ASIC2: variants seen among roughly 807,000 people sequenced by gnomAD.
The protein encoded by ASIC2 is acid-sensing ion channel 2.
In ASIC2, 25 loss-of-function variants were observed where a neutral mutation model predicts 57.3. That is an observed-to-expected ratio of 0.44 (90% CI 0.32 to 0.61). The LOEUF is 0.61. ASIC2 is among the 20% of genes least tolerant of loss of function. The pLI is 0.06. For missense variants in ASIC2, 641 were observed against 738.1 expected (o/e 0.87, Z 1.52); for synonymous variants, 319 against 307.5 (o/e 1.04, Z -0.39).
intron 1 of ASIC2, among the ~76,000 whole-genome samples, chr17:33,969,131 G>A (rs1376003427): frequency 1.3e-5 from 2 of 152,174 alleles, no homozygotes; most frequent in African/African-American, 4.8e-5. Context: ...TACAAGCATG[G>A]CCCGTTGAGA....
intron 3 of ASIC2, among the ~76,000 whole-genome samples, chr17:33,051,722 A>G (rs2091977351): frequency 1.3e-5 from 2 of 152,330 alleles, no homozygotes; most frequent in South Asian, 2.1e-4. Context: ...TTTATGAGAT[A>G]TAAGAACAGA....
In ASIC2 at chr17:33,155,421, A is replaced by G. The variant is rs1015869930; in HGVS notation, c.709-43354T>C. ...TCTTCTAACTTCTGAATAGCTTTAG[A>G]TACTTCTGACTTCTGAACCCCTTTA... On this transcript the variant is annotated intron_variant, in intron 1 of 9. Transcript: ENST00000225823. Among the ~76,000 whole-genome samples the G allele has an allele frequency of 2.0e-5, 3 of 152,092 alleles. No homozygotes were observed. The East Asian group carries it at 5.8e-4, about 29-fold the overall frequency.
chr17:33,684,609 A>G (rs1040620389), intron 1 of ASIC2, among the ~76,000 whole-genome samples: 3 of 152,220 alleles, frequency 2.0e-5, no homozygotes, highest in African/African-American at 7.2e-5. Flanking sequence ...GCAGAACATC[A>G]TGAAATATTG....
At chr17:33,882,334 T>C (rs1914720781) in intron 1 of ASIC2, among the ~76,000 whole-genome samples, 1 of 152,086 alleles carries the variant, frequency 6.6e-6, no homozygotes, top group Non-Finnish European at 1.5e-5. Context: ...GCCTACAGAA[T>C]GGGGGAAAAT....
intron 1 of ASIC2, among the ~76,000 whole-genome samples, chr17:33,583,944 C>T (rs147691888): frequency 2.4e-3 from 361 of 152,034 alleles, no homozygotes; most frequent in African/African-American, 8.1e-3. Context: ...TTCTGGGCTC[C>T]TGGAGCTGAG....
At chr17:33,061,684 G>C (rs185064292) in intron 3 of ASIC2, among the ~76,000 whole-genome samples, 211 of 152,304 alleles carry the variant, frequency 1.4e-3, no homozygotes, top group African/African-American at 4.9e-3. Flanking sequence ...CATAAAACGA[G>C]TTAGGGAGGA....
At chr17:33,952,185 T>C (rs1261261610) in intron 1 of ASIC2, among the ~76,000 whole-genome samples, 2 of 152,058 alleles carry the variant, frequency 1.3e-5, no homozygotes, top group African/African-American at 2.4e-5. Context: ...TGTTGAACAA[T>C]GAGTGAAGAG....
At position 33,119,935 on chromosome 17, in the gene ASIC2, T is replaced by C. The variant is rs114074851; in HGVS notation, c.709-7868A>G. The stretch of plus-strand genomic sequence containing the variant: ...GGAGAAAGGGAAGGATAAGCAATCA[T>C]GTGGAGCATGAGTGGGCACTGTGCT... On this transcript the variant is annotated intron_variant, in intron 1 of 9. Transcript: ENST00000225823. 4.1e-3 allele frequency among the ~76,000 whole-genome samples: 628 copies of C among 152,282 alleles called. 4 individuals are homozygous for C. Among genetic ancestry groups the C allele is most frequent in the African/African-American group, 0.014 (595 of 41,558 alleles).
At chr17:33,082,629 G>A (rs1348883023) in intron 3 of ASIC2, among the ~76,000 whole-genome samples, 1 of 152,010 alleles carries the variant, frequency 6.6e-6, no homozygotes, top group Non-Finnish European at 1.5e-5. Context: ...AACTCAGGAG[G>A]TGGAGGTTGC....
At chr17:33,659,404 T>G (rs1012478358) in intron 1 of ASIC2, among the ~76,000 whole-genome samples, 2 of 152,114 alleles carry the variant, frequency 1.3e-5, no homozygotes, top group Non-Finnish European at 2.9e-5. Flanking sequence ...AAAGCCTCCG[T>G]GGTACAGCCG....
chr17:33,143,209 AATGTAGATATCTTGAC>A (rs1904401534), intron 1 of ASIC2, among the ~76,000 whole-genome samples: 1 of 152,192 alleles, frequency 6.6e-6, no homozygotes, highest in South Asian at 2.1e-4. Flanking sequence ...CTTCAGGTGA[AATGTAGATATCTTGAC>A]ATGTAGATAT....
rs7218916 is a variant in ASIC2 at position 33,898,928 on chromosome 17, C to T, written c.555+257050G>A. ...CCATACTTACTTCCAAAGTAAGTCA[C>T]ATGTTACTCTGATTAACTCAACTTA... On this transcript the variant is annotated intron_variant, in intron 1 of 9. Coordinates refer to the ASIC2 transcript ENST00000359872. Among the ~76,000 whole-genome samples the T allele has an allele frequency of 9.5e-3, 1,443 of 152,260 alleles. 18 individuals are homozygous for T. Among genetic ancestry groups the T allele is most frequent in the African/African-American group, 0.033 (1,377 of 41,550 alleles).
intron 1 of ASIC2, among the ~76,000 whole-genome samples, chr17:33,593,583 T>C (rs184692169): frequency 2.0e-5 from 3 of 152,308 alleles, no homozygotes; most frequent in Admixed American, 6.5e-5. Flanking sequence ...GGTGAAATGG[T>C]GATAATGATG....
chr17:33,169,972 A>G (rs561782015), intron 1 of ASIC2, among the ~76,000 whole-genome samples: 1 of 152,342 alleles, frequency 6.6e-6, no homozygotes, highest in South Asian at 2.1e-4. Flanking sequence ...TGGCCCCCCA[A>G]GATGAGTCCA....
chr17:33,879,132 G>A (rs1023261573), intron 1 of ASIC2, among the ~76,000 whole-genome samples: 47 of 152,162 alleles, frequency 3.1e-4, no homozygotes, highest in Admixed American at 1.8e-3. Flanking sequence ...AGGAACAACC[G>A]GTACCAGCCA....
chr17:33,013,987 G>A lies in ASIC2; in HGVS notation c.1670C>T (p.Thr557Ile), dbSNP rs139534895. Residue 557 changes from threonine (T) to isoleucine (I), a missense_variant, in exon 10 of 10, where the codon ACC (threonine) becomes ATC (isoleucine). Transcript: ENST00000225823. Reference sequence around the variant, plus strand: ...GTGTCAGCAGGCAATCTCCTCCAAGGTCCCCAGGGTCGTCTGCAGGGGCAC... The same window carrying A: ...GTGTCAGCAGGCAATCTCCTCCAAGATCCCCAGGGTCGTCTGCAGGGGCAC... Reference protein sequence around the residue: ...VNVPLQTTLGTLEEIAC With the variant: ...VNVPLQTTLGILEEIAC 43 of 1,598,838 alleles carry A rather than the reference G, an allele frequency of 2.7e-5. No individual in the cohort carries two copies. The highest frequency in any genetic ancestry group is 3.5e-5 in the Non-Finnish European group (41 of 1,172,336).
At chr17:33,552,823 G>A (rs1025036410) in intron 1 of ASIC2, among the ~76,000 whole-genome samples, 2 of 152,208 alleles carry the variant, frequency 1.3e-5, no homozygotes, top group Non-Finnish European at 2.9e-5. Flanking sequence ...TGGAACACTC[G>A]CGTCAGGTAT....
chr17:33,440,932 C>G (rs1000435775), intron 1 of ASIC2, among the ~76,000 whole-genome samples: 3 of 151,992 alleles, frequency 2.0e-5, no homozygotes, highest in African/African-American at 7.2e-5. Flanking sequence ...TATTTCTTCC[C>G]AGTCTGTGGC....
At chr17:33,954,775 G>T (rs999538252) in intron 1 of ASIC2, among the ~76,000 whole-genome samples, 1 of 152,204 alleles carries the variant, frequency 6.6e-6, no homozygotes, top group East Asian at 1.9e-4. Context: ...GAAATGGTTT[G>T]CTTTCTTTCA....
Sources: allele counts gnomAD v4.1 joint callset (sites outside exome capture counted in the v4.1 genomes callset), GRCh38; gene constraint gnomAD v4.1.1; transcripts MANE v1.5; gene names NCBI Gene and HGNC (gene_info 2026-07-23, HGNC 2026-07-21).